SHANK2: variants seen among roughly 807,000 people sequenced by gnomAD.
SHANK2 encodes the protein SH3 and multiple ankyrin repeat domains 2, also known as SH3 and multiple ankyrin repeat domains protein 2.
A neutral mutation model predicts 133.7 loss-of-function variants in SHANK2; 43 were observed. The ratio of observed to expected loss-of-function variants is 0.32; its 90% CI spans 0.25 to 0.41. The LOEUF (loss-of-function observed/expected upper bound fraction) is 0.41. Among genes scored for constraint, SHANK2 ranks in the 10% least tolerant of loss-of-function variants. The probability of loss-of-function intolerance (pLI) is 1.00; values close to 1 mark genes in which losing one functional copy is unlikely to be tolerated. For synonymous variants in SHANK2, 1,017 were observed against 952.8 expected (o/e 1.07, Z -1.24); for missense variants, 1,994 against 2,235.8 (o/e 0.89, Z 2.18).
At chr11:70,885,184 C>T (rs1179304854) in intron 11 of SHANK2, among the ~76,000 whole-genome samples, 1 of 89,122 alleles carries the variant, frequency 1.1e-5, no homozygotes, top group Non-Finnish European at 3.1e-5. Flanking sequence ...GCCCTGGGAG[C>T]GCTGTATAGA....
intron 17 of SHANK2, among the ~76,000 whole-genome samples, chr11:70,592,667 G>C (rs1731678621): frequency 6.6e-6 from 1 of 152,090 alleles, no homozygotes; most frequent in Non-Finnish European, 1.5e-5. Flanking sequence ...CTTAGAACAA[G>C]GGCTGTGTGG....
intron 1 of SHANK2, among the ~76,000 whole-genome samples, chr11:71,239,011 C>T (rs1555124062): frequency 1.3e-5 from 2 of 152,174 alleles, no homozygotes; most frequent in Non-Finnish European, 2.9e-5. Flanking sequence ...AATAAGGGGA[C>T]CCGGGGAACC....
intron 14 of SHANK2, among the ~76,000 whole-genome samples, chr11:70,791,764 C>A (rs1947790717): frequency 6.6e-6 from 1 of 152,202 alleles, no homozygotes; most frequent in African/African-American, 2.4e-5. Context: ...GGTCACAGCT[C>A]AAGCATCAGT....
intron 17 of SHANK2, among the ~76,000 whole-genome samples, chr11:70,615,899 T>A (rs2060734608): frequency 1.3e-5 from 2 of 152,110 alleles, no homozygotes; most frequent in Non-Finnish European, 2.9e-5. Flanking sequence ...GGTCTGTCTC[T>A]TTGTTGGTTA....
At chr11:70,612,033 G>A (rs1351201549) in intron 17 of SHANK2, among the ~76,000 whole-genome samples, 2 of 152,064 alleles carry the variant, frequency 1.3e-5, no homozygotes, top group African/African-American at 4.8e-5. Flanking sequence ...TGAGCGTTCT[G>A]CCCAAGATCC....
chr11:70,517,859 T>G (rs1165938408), intron 17 of SHANK2, among the ~76,000 whole-genome samples: 1 of 152,116 alleles, frequency 6.6e-6, no homozygotes, highest in Non-Finnish European at 1.5e-5. Context: ...ACTACGGGCT[T>G]TAGTTAATAA....
intron 14 of SHANK2, among the ~76,000 whole-genome samples, chr11:70,769,564 CA>C (rs1372305323): frequency 7.2e-6 from 1 of 138,182 alleles, no homozygotes. Flanking sequence ...GGGGGTGGGG[CA>C]GGGGGGCTCT....
chr11:71,167,389 A>C (rs1174359052), intron 2 of SHANK2, among the ~76,000 whole-genome samples: 4 of 150,282 alleles, frequency 2.7e-5, no homozygotes, highest in African/African-American at 4.9e-5. Flanking sequence ...CACCTCCCGG[A>C]CAGGGCGGCT....
At chr11:71,241,964 C>T (rs1565533227) in intron 1 of SHANK2, among the ~76,000 whole-genome samples, 1 of 152,320 alleles carries the variant, frequency 6.6e-6, no homozygotes, top group South Asian at 2.1e-4. Context: ...TTATTCACAA[C>T]AGCCAGAGGG....
chr11:71,165,011 T>C (rs1365354658), intron 2 of SHANK2, among the ~76,000 whole-genome samples: 1 of 151,808 alleles, frequency 6.6e-6, no homozygotes, highest in East Asian at 1.9e-4. Flanking sequence ...TCCTTTGCAA[T>C]CCTTAACTTT....
intron 2 of SHANK2, among the ~76,000 whole-genome samples, chr11:71,214,487 C>T (rs1434982499): frequency 1.3e-5 from 2 of 152,228 alleles, no homozygotes; most frequent in African/African-American, 2.4e-5. Flanking sequence ...CGTGATTTAG[C>T]GCCATCAGCT....
chr11:70,679,349 C>G (rs1040867380), intron 15 of SHANK2, among the ~76,000 whole-genome samples: 1 of 152,264 alleles, frequency 6.6e-6, no homozygotes, highest in Admixed American at 6.5e-5. Context: ...AGGCCAACTG[C>G]AGAGCCTGTT....
intron 10 of SHANK2, among the ~76,000 whole-genome samples, chr11:70,940,868 CA>C (rs1462513424): frequency 7.9e-5 from 12 of 152,216 alleles, no homozygotes; most frequent in Non-Finnish European, 1.3e-4. Flanking sequence ...GAACAAGCAC[CA>C]CACAGGGGTC....
intron 17 of SHANK2, among the ~76,000 whole-genome samples, chr11:70,642,615 G>A (rs781954083): frequency 2.6e-5 from 4 of 152,156 alleles, no homozygotes; most frequent in Non-Finnish European, 5.9e-5. Flanking sequence ...CACAGAGGCC[G>A]GGCTGCCACT....
intron 9 of SHANK2, among the ~76,000 whole-genome samples, chr11:71,072,010 C>A (rs1457906179): frequency 6.6e-6 from 1 of 152,162 alleles, no homozygotes; most frequent in East Asian, 1.9e-4. Flanking sequence ...AGTGTAGCAT[C>A]CACATCTCGA....
intron 17 of SHANK2, among the ~76,000 whole-genome samples, chr11:70,638,256 T>C (rs1426532861): frequency 6.6e-6 from 1 of 152,216 alleles, no homozygotes; most frequent in Non-Finnish European, 1.5e-5. Context: ...AAGAATGTGC[T>C]GCCAGGATAT....
In SHANK2 at chr11:70,541,205, G is replaced by A. The variant is rs149609589; in HGVS notation, c.2062-38274C>T. Reference sequence around the variant, plus strand: ...TAAGATGGAACGATGCTCCCTGATCGGGATACACCACATTTGCCTTCCTCC... The same window carrying A: ...TAAGATGGAACGATGCTCCCTGATCAGGATACACCACATTTGCCTTCCTCC... On this transcript the variant is annotated intron_variant, in intron 17 of 25. Transcript: ENST00000601538. Among the ~76,000 whole-genome samples, 330 of 152,242 alleles carry A rather than the reference G, an allele frequency of 2.2e-3. 2 individuals are homozygous for A. The highest frequency in any genetic ancestry group is 7.7e-3 in the African/African-American group (318 of 41,544).
intron 6 of SHANK2, among the ~76,000 whole-genome samples, chr11:71,096,817 T>G (rs1951622845): frequency 6.6e-6 from 1 of 152,206 alleles, no homozygotes; most frequent in Non-Finnish European, 1.5e-5. Flanking sequence ...CATATAATTT[T>G]CATAGCTGAC....
intron 11 of SHANK2, among the ~76,000 whole-genome samples, chr11:70,878,205 C>T (rs1046854934): frequency 3.3e-5 from 5 of 152,228 alleles, no homozygotes; most frequent in Non-Finnish European, 7.3e-5. Context: ...CAAGCCGCAG[C>T]TCCCTCCTGC....
Sources: gnomAD v4.1 joint callset for allele counts (sites outside exome capture counted in the v4.1 genomes callset) on GRCh38, gnomAD v4.1.1 for gene constraint, MANE v1.5 for transcripts, NCBI Gene and HGNC (gene_info 2026-07-23, HGNC 2026-07-21) for gene names.